RASEF: variants seen among roughly 807,000 people sequenced by gnomAD.
RASEF encodes the protein RAS and EF-hand domain containing.
In RASEF, 68 loss-of-function variants were observed where a neutral mutation model predicts 90.1. The ratio of observed to expected loss-of-function variants is 0.75; its 90% CI spans 0.62 to 0.92. RASEF has a LOEUF of 0.92. RASEF is among the 40% of genes least tolerant of loss of function. RASEF has a pLI of 0.00. For synonymous variants in RASEF, 331 were observed against 345.2 expected (o/e 0.96, Z 0.46); for missense variants, 949 against 937.2 (o/e 1.01, Z -0.16).
the RASEF span, among the ~76,000 whole-genome samples, chr9:83,141,334 T>A: frequency 6.6e-6 from 1 of 151,442 alleles, no homozygotes; most frequent in Non-Finnish European, 1.5e-5. Flanking sequence ...AGAAAACAGA[T>A]GAAGATTACA....
chr9:83,014,124 A>G (rs1009413300), intron 4 of RASEF, among the ~76,000 whole-genome samples: 6 of 152,180 alleles, frequency 3.9e-5, no homozygotes, highest in Non-Finnish European at 8.8e-5. Context: ...GCATAAACAG[A>G]AGATTCGTCT....
chr9:83,006,529 T>C (rs1268407697), intron 7 of RASEF, among the ~76,000 whole-genome samples: 1 of 151,432 alleles, frequency 6.6e-6, no homozygotes, highest in East Asian at 1.9e-4. Flanking sequence ...AGGTCAAACC[T>C]GACCTGACTT....
intron 9 of RASEF, among the ~76,000 whole-genome samples, chr9:83,002,691 T>G (rs903069387): frequency 1.3e-5 from 2 of 152,060 alleles, no homozygotes; most frequent in African/African-American, 4.8e-5. Context: ...TTCCATGTCT[T>G]CATTACTGGT....
the RASEF span, among the ~76,000 whole-genome samples, chr9:83,211,716 A>G: frequency 5.9e-5 from 9 of 152,206 alleles, no homozygotes; most frequent in African/African-American, 1.2e-4. Context: ...GGGTGTCATT[A>G]GGGCCACAGT....
At chr9:83,115,957 T>C in the RASEF span, among the ~76,000 whole-genome samples, 1 of 152,278 alleles carries the variant, frequency 6.6e-6, no homozygotes, top group East Asian at 1.9e-4. Flanking sequence ...ATCTAAATAG[T>C]AACAGTTTTA....
the RASEF span, among the ~76,000 whole-genome samples, chr9:83,128,147 T>C: frequency 6.6e-6 from 1 of 151,648 alleles, no homozygotes; most frequent in Non-Finnish European, 1.5e-5. Context: ...TCTTAGCAAC[T>C]CTTCTTTAAA....
the RASEF span, among the ~76,000 whole-genome samples, chr9:83,217,331 T>C: frequency 6.6e-6 from 1 of 152,176 alleles, no homozygotes; most frequent in African/African-American, 2.4e-5. Flanking sequence ...ATTAAGACTT[T>C]GGGAGACTGT....
the RASEF span, among the ~76,000 whole-genome samples, chr9:83,185,987 G>A: frequency 4.6e-5 from 7 of 152,034 alleles, no homozygotes; most frequent in Admixed American, 1.3e-4. Flanking sequence ...GGCAAGGGGG[G>A]TGTTAATTCC....
the RASEF span, among the ~76,000 whole-genome samples, chr9:83,164,339 A>G: frequency 3.0e-5 from 1 of 32,918 alleles, no homozygotes; most frequent in Non-Finnish European, 4.9e-5. Flanking sequence ...ATATATTTGT[A>G]TATGTGTGTA....
chr9:83,207,432 A>T, the RASEF span, among the ~76,000 whole-genome samples: 1 of 152,128 alleles, frequency 6.6e-6, no homozygotes, highest in African/African-American at 2.4e-5. Flanking sequence ...TACCATGTGC[A>T]TCTGCAGTGG....
chr9:83,201,145 A>G, the RASEF span: 1 of 152,216 alleles, frequency 6.6e-6, no homozygotes, highest in Non-Finnish European at 1.5e-5. Context: ...GAAGAAGGAC[A>G]CCTGCCTAGC....
the RASEF span, among the ~76,000 whole-genome samples, chr9:83,155,553 G>A: frequency 3.7e-4 from 56 of 151,992 alleles, no homozygotes; most frequent in Non-Finnish European, 7.2e-4. Context: ...ATCTCCCACC[G>A]GGTCCCTCCC....
In RASEF at chr9:83,005,489, C is replaced by T. The variant is rs774320333; in HGVS notation, c.1040G>A (p.Arg347Gln). 15 of 1,613,518 alleles carry T rather than the reference C, an allele frequency of 9.3e-6. No homozygotes were observed. Among genetic ancestry groups the T allele is most frequent in the Admixed American group, 3.3e-5 (2 of 59,994 alleles). ...GCCATCATTACTGTCATGTAGCTTC[C>T]GGTTAGCTGTTCTGCAGGGTAAAGA... Reference protein sequence around the residue: ...RQIEILQTANRKLHDSNDGLR... With the variant: ...RQIEILQTANQKLHDSNDGLR... The change falls in exon 8 of 17, where the codon CGG (arginine) becomes CAG (glutamine). Residue 347 changes from arginine (R) to glutamine (Q), a missense_variant. By Grantham distance (43) the Arg-to-Gln change is conservative. Coordinates refer to ENST00000376447, the MANE Select transcript of RASEF (RefSeq NM_152573.4).
intron 1 of RASEF, among the ~76,000 whole-genome samples, chr9:83,043,131 T>C (rs1829869202): frequency 6.6e-6 from 1 of 152,238 alleles, no homozygotes; most frequent in South Asian, 2.1e-4. Flanking sequence ...AAAAGACTTG[T>C]GACAGATGAT....
rs770852445 is a variant in RASEF at position 83,038,577 on chromosome 9, C to T, written c.432-12656G>A. Among the ~76,000 whole-genome samples the T allele has an allele frequency of 5.9e-5, 9 of 152,234 alleles. No homozygotes were observed. In the East Asian group the frequency reaches 9.6e-4, roughly 16 times the overall value. On this transcript the variant is annotated intron_variant, in intron 1 of 16. Transcript: ENST00000376447. Reference sequence around the variant, plus strand: ...TAGATATAGAATTAACATTAAAATACGTGAATATATTCCAGTACTATTTTG... The same window carrying T: ...TAGATATAGAATTAACATTAAAATATGTGAATATATTCCAGTACTATTTTG...
chr9:83,213,323 C>A, the RASEF span, among the ~76,000 whole-genome samples: 2 of 151,204 alleles, frequency 1.3e-5, no homozygotes, highest in Non-Finnish European at 2.9e-5. Flanking sequence ...TCACTTGAAC[C>A]CAAGAGGCAG....
the RASEF span, among the ~76,000 whole-genome samples, chr9:83,104,950 A>G: frequency 6.6e-6 from 1 of 152,226 alleles, no homozygotes; most frequent in African/African-American, 2.4e-5. Flanking sequence ...CTACACTTCC[A>G]AACCTCACTT....
At chr9:83,149,697 C>T in the RASEF span, among the ~76,000 whole-genome samples, 4 of 152,284 alleles carry the variant, frequency 2.6e-5, no homozygotes, top group South Asian at 6.2e-4. Context: ...CATGAAGCTG[C>T]AACACTGCAC....
the RASEF span, among the ~76,000 whole-genome samples, chr9:83,210,581 C>T: frequency 2.0e-5 from 3 of 152,210 alleles, no homozygotes; most frequent in South Asian, 6.2e-4. Context: ...CATTCCAGCT[C>T]ACCATGAATG....
Sources: allele counts gnomAD v4.1 joint callset (sites outside exome capture counted in the v4.1 genomes callset), GRCh38; gene constraint gnomAD v4.1.1; transcripts MANE v1.5; gene names NCBI Gene and HGNC (gene_info 2026-07-23, HGNC 2026-07-21).